TTN: variants seen among roughly 807,000 people sequenced by gnomAD.
The protein encoded by TTN is connectin.
In TTN, 1,525 loss-of-function variants were observed where a neutral mutation model predicts 3,223.0. The ratio of observed to expected loss-of-function variants is 0.47; its 90% CI spans 0.45 to 0.49. The LOEUF is 0.49. Ranked by LOEUF, TTN falls within the 20% of genes least tolerant of loss-of-function variation. TTN has a pLI of 0.00. For missense variants in TTN, 40,786 were observed against 43,424.0 expected (o/e 0.94, Z 5.40); for synonymous variants, 14,094 against 15,161.0 (o/e 0.93, Z 5.17).
In TTN at chr2:178,613,925, G is replaced by A. The variant is rs376498195; in HGVS notation, c.49358C>T (p.Pro16453Leu). ...TAKYQFDPPG[P>L]PTRLEPSDIT... is the part of the protein sequence containing the mutation. ...ATCAGAAGGTTCTAGGCGAGTTGGA[G>A]GACCAGGTGGATCTATAGACAGGAT... is the stretch of plus-strand genomic sequence containing the variant. Residue 16453 changes from proline to leucine, a missense_variant, in exon 263 of 363, where the codon CCT (proline) becomes CTT (leucine). Pro to Leu is a moderately conservative substitution (Grantham distance 98). Transcript: ENST00000589042. 2.5e-6 allele frequency: 4 copies of A among 1,607,428 alleles called. No individual in the cohort carries two copies. The African/African-American group carries it at 5.4e-5, about 22-fold the overall frequency.
At position 178,768,902 on chromosome 2, in the gene TTN, G is replaced by A. The variant is rs1561207548; in HGVS notation, c.8934C>T (p.Ile2978=). 1.2e-6 allele frequency: 2 copies of A among 1,613,922 alleles called. No individual in the cohort carries two copies. The highest frequency in any genetic ancestry group is 1.7e-5 in the Admixed American group (1 of 59,998). ...TAATAGTGTCTTTTTCTTCAGCGTT[G>A]ATGTCTTTCAGCATGGAAGTAATCA... ...PIMITSMLKD[I]NAEEKDTITF... is the part of the protein sequence containing the mutation. The change falls in exon 38 of 363, where the codon ATC becomes ATT. Residue 2978 remains isoleucine (I), a synonymous_variant. Coordinates refer to ENST00000589042, the MANE Select transcript of TTN (RefSeq NM_001267550.2).
chr2:178,804,470 G>A, intron 2 of TTN, 82 bp downstream of exon 2: 1 of 1,359,592 alleles, frequency 7.4e-7, no homozygotes, highest in East Asian at 2.3e-5. Flanking sequence ...GCTTAAACTT[G>A]GCGTCAAGTC....
At chr2:178,784,040 C>T (rs751590471) in intron 16 of TTN, 30 bp downstream of exon 16, 5 of 1,611,602 alleles carry the variant, frequency 3.1e-6, no homozygotes, top group African/African-American at 2.7e-5. Flanking sequence ...TGGGAGTGGA[C>T]CATGTAACAG....
intron 316 of TTN, among the ~76,000 whole-genome samples, chr2:178,581,149 T>C (rs764015375): frequency 1.3e-5 from 2 of 152,032 alleles, no homozygotes; most frequent in African/African-American, 4.8e-5. Flanking sequence ...AGATGGTGGA[T>C]TGGAAAACAG....
chr2:178,611,176 T>G lies in TTN; in HGVS notation c.50953A>C (p.Thr16985Pro), dbSNP rs1301584675. Reference sequence around the variant, plus strand: ...TTGCCATCTTTATGCCAACTAACAGTTGGAACTGGGACAGCTCTGAAGGGA... The same window carrying G: ...TTGCCATCTTTATGCCAACTAACAGGTGGAACTGGGACAGCTCTGAAGGGA... ...PVPFRAVPVP[T>P]VSWHKDGKEV... The change falls in exon 270 of 363, where the codon ACT becomes CCT. Residue 16985 changes from threonine to proline, a missense_variant. Thr to Pro is a conservative substitution (Grantham distance 38). Transcript: ENST00000589042. 2 of 1,612,642 alleles carry G rather than the reference T, an allele frequency of 1.2e-6. No homozygotes were observed. The highest frequency in any genetic ancestry group is 2.7e-5 in the African/African-American group (2 of 74,846).
Position 178,528,840 on chromosome 2 carries a change from T to C in TTN, c.106911A>G (p.Lys35637=), listed in dbSNP as rs767045071. The change falls in exon 360 of 363, where the codon AAA becomes AAG. Residue 35637 remains lysine (K), a synonymous_variant. Coordinates refer to ENST00000589042, the MANE Select transcript of TTN (RefSeq NM_001267550.2). ...TAAGCTCTACGCCATTCAGTACCCA[T>C]TTCACATCAGTGGCACCAGCAATGT... ...KANIAGATDV[K]WVLNGVELTN... is the part of the protein sequence containing the mutation. The C allele has an allele frequency of 5.2e-5, 84 of 1,613,890 alleles. No homozygotes were observed. The highest frequency in any genetic ancestry group is 4.4e-5 in the Non-Finnish European group (52 of 1,179,884).
Position 178,634,852 on chromosome 2 carries a change from G to A in TTN, c.42025-3C>T. 6.2e-7 allele frequency: 1 copy of A among 1,604,152 alleles called. No homozygotes were observed. On this transcript the variant is annotated splice_polypyrimidine_tract_variant and splice_region_variant and intron_variant, in intron 228 of 362. Coordinates refer to ENST00000589042, the MANE Select transcript of TTN (RefSeq NM_001267550.2). The surrounding 1 kb of genome is among the most constrained non-coding windows in gnomAD (Gnocchi z 4.6). The stretch of plus-strand genomic sequence containing the variant: ...CCTTCTGCTTTGATTTCACAAGTCT[G>A]AAAAACAATAGTTTTAGTAACCATT...
At chr2:178,771,091 A>C in intron 34 of TTN, 120 bp downstream of exon 34, 1 of 1,486,140 alleles carries the variant, frequency 6.7e-7, no homozygotes, top group African/African-American at 1.4e-5. Context: ...TAGAGGATCT[A>C]GAATGACTTT....
In TTN at chr2:178,784,150, T is replaced by C; in HGVS notation, c.2695A>G (p.Lys899Glu). ...TYKSEAGVEVKKEVGVSITGT... is the reference protein window; with the variant it reads ...TYKSEAGVEVEKEVGVSITGT... The stretch of plus-strand genomic sequence containing the variant: ...GTGATGCTCACCCCTACTTCCTTTT[T>C]CACCTCAACGCCAGCTTCACTCTTG... The change falls in exon 16 of 363, where the codon AAA becomes GAA. Residue 899 changes from lysine to glutamate, a missense_variant. Transcript: ENST00000589042. The C allele has an allele frequency of 6.2e-7, 1 of 1,614,152 alleles. No individual in the cohort carries two copies. The highest frequency in any genetic ancestry group is 8.5e-7 in the Non-Finnish European group (1 of 1,180,002).
Position 178,547,000 on chromosome 2 carries a change from T to A in TTN, c.94522+3A>T. 6.2e-7 allele frequency: 1 copy of A among 1,607,072 alleles called. No individual in the cohort carries two copies. Among genetic ancestry groups the A allele is most frequent in the Non-Finnish European group, 8.5e-7 (1 of 1,175,252 alleles). The stretch of plus-strand genomic sequence containing the variant: ...AAATATGCCCTTAAATTGTGATACA[T>A]ACCAACTGGATTTTGAGCCATTATA... On this transcript the variant is annotated splice_donor_region_variant and intron_variant, in intron 340 of 362. Transcript: ENST00000589042.
Position 178,704,929 on chromosome 2 carries a change from T to C in TTN, c.29642A>G (p.Lys9881Arg). 4.3e-6 allele frequency: 7 copies of C among 1,613,222 alleles called. No homozygotes were observed. The highest frequency in any genetic ancestry group is 5.9e-6 in the Non-Finnish European group (7 of 1,179,782). ...AAATGATACAAGTTCCTCAAATTCC[T>C]TTTCGTCCCTCTCTGACCTCTCTAT... ...EEIERSERDE[K>R]EFEELVSFIQ... The change falls in exon 104 of 363, where the codon AAG becomes AGG. Residue 9881 changes from lysine to arginine, a missense_variant. Lys to Arg is a conservative substitution (Grantham distance 26, BLOSUM62 2). Transcript: ENST00000589042.
At chr2:178,641,570 T>C in intron 219 of TTN, 1 of 242,506 alleles carries the variant, frequency 4.1e-6, no homozygotes, top group Non-Finnish European at 7.8e-6. Flanking sequence ...GACAAGTCTG[T>C]GGGAGAAACA....
Position 178,785,891 on chromosome 2 carries a change from T to G in TTN, c.2327A>C (p.His776Pro). Residue 776 changes from histidine to proline, a missense_variant, in exon 14 of 363, where the codon CAT becomes CCT. By Grantham distance (77) the His-to-Pro change is moderately conservative. Transcript: ENST00000589042. ...TCCCTTTTGATCAGTAGTTTTGATA[T>G]GAGTCTCAGAAGGAGCCTGGATTAC... ...PRVIQAPSETHIKTTDQKGMH... is the reference protein window; with the variant it reads ...PRVIQAPSETPIKTTDQKGMH... 1 of 1,614,150 alleles carries G rather than the reference T, an allele frequency of 6.2e-7. No individual in the cohort carries two copies. The highest frequency in any genetic ancestry group is 1.1e-5 in the South Asian group (1 of 91,084).
intron 42 of TTN, 45 bp from the exon 43 acceptor site, chr2:178,764,347 G>A (rs2089976436): frequency 6.2e-7 from 1 of 1,613,118 alleles, no homozygotes; most frequent in Non-Finnish European, 8.5e-7. Flanking sequence ...AGTCACCATA[G>A]AGACCTCACA....
At chr2:178,691,991 C>A in intron 121 of TTN, 25 bp downstream of exon 121, 1 of 1,597,108 alleles carries the variant, frequency 6.3e-7, no homozygotes, top group Non-Finnish European at 8.5e-7. Context: ...AGCAAAGAGT[C>A]TCCCCATCAT....
intron 47 of TTN, chr2:178,744,526 A>G (rs892843155): frequency 2.3e-6 from 2 of 868,770 alleles, no homozygotes; most frequent in African/African-American, 1.8e-5. Context: ...TTAAAGAGTT[A>G]CTTTAGAAAC....
rs552289286 is a variant in TTN, at chr2:178,757,171, T to A, written c.10678+371A>T. 1.3e-5 allele frequency among the ~76,000 whole-genome samples: 2 copies of A among 151,656 alleles called. 1 individual carries two copies. On this transcript the variant is annotated intron_variant, in intron 45 of 362. Coordinates refer to ENST00000589042, the MANE Select transcript of TTN (RefSeq NM_001267550.2). Reference sequence around the variant, plus strand: ...ATGCTTTAAGTACAGTAAGTAATACTGTACTTACTTTAAGTACAGTAAGTA... The same window carrying A: ...ATGCTTTAAGTACAGTAAGTAATACAGTACTTACTTTAAGTACAGTAAGTA...
chr2:178,605,698 G>A lies in TTN; in HGVS notation c.53597C>T (p.Pro17866Leu), dbSNP rs1220657053. The A allele has an allele frequency of 6.5e-7, 1 of 1,542,376 alleles. No homozygotes were observed. The change falls in exon 279 of 363, where the codon CCA becomes CTA. Residue 17866 changes from proline to leucine, a missense_variant. Pro to Leu is a moderately conservative substitution (Grantham distance 98, BLOSUM62 -3). Coordinates refer to ENST00000589042, the MANE Select transcript of TTN (RefSeq NM_001267550.2). The stretch of plus-strand genomic sequence containing the variant: ...CCTTTCAGTGTATGTGAGCCTCTCT[G>A]GAGATGTTGGAGGACCTTTAGCCAG... ...AVDPLGPPTS[P>L]ERLTYTERTK...
At chr2:178,703,077 G>A (rs926488960) in intron 106 of TTN, among the ~76,000 whole-genome samples, 7 of 152,084 alleles carry the variant, frequency 4.6e-5, no homozygotes, top group African/African-American at 1.7e-4. Context: ...ATCTATAATT[G>A]TTTATCTAAT....
Sources: gnomAD v4.1 joint callset for allele counts (sites outside exome capture counted in the v4.1 genomes callset) on GRCh38, gnomAD v4.1.1 for gene constraint, Gnocchi (gnomAD v3.1) non-coding constraint, MANE v1.5 for transcripts, NCBI Gene and HGNC (gene_info 2026-07-23, HGNC 2026-07-21) for gene names.